The following PDZD2 variants were observed in gnomAD, a reference collection of about 807,000 sequenced individuals.
The protein encoded by PDZD2 is PDZ domain containing 2.
In PDZD2, 90 loss-of-function variants were observed where a neutral mutation model predicts 220.7. That is an observed-to-expected ratio of 0.41 (90% confidence interval 0.34 to 0.49). PDZD2 has a LOEUF of 0.49. Ranked by LOEUF, PDZD2 falls within the 20% of genes least tolerant of loss-of-function variation. The pLI, the probability that PDZD2 is intolerant of heterozygous loss-of-function variation, is 0.28. For missense variants in PDZD2, 3,174 were observed against 3,608.5 expected, an observed-to-expected ratio of 0.88 and a Z score of 3.08; for synonymous variants, 1,375 against 1,450.5, an observed-to-expected ratio of 0.95 and a Z score of 1.18.
intron 1 of PDZD2, among the ~76,000 whole-genome samples, chr5:31,768,666 A>G (rs1390962104): frequency 6.6e-6 from 1 of 151,320 alleles, no homozygotes; most frequent in African/African-American, 2.4e-5. Flanking sequence ...AAACTGAGAC[A>G]CAAGATCAGG....
At chr5:31,789,596 C>T (rs544323046) in intron 1 of PDZD2, among the ~76,000 whole-genome samples, 1 of 152,264 alleles carries the variant, frequency 6.6e-6, no homozygotes, top group Non-Finnish European at 1.5e-5. Context: ...TTTGGTACCC[C>T]CAAAATACAA....
chr5:32,069,492 A>T, intron 14 of PDZD2, 77 bp from the exon 15 acceptor site: 1 of 835,896 alleles, frequency 1.2e-6, no homozygotes, highest in Admixed American at 1.8e-5. Context: ...CTTGACTCTG[A>T]CTCTGGTCCT....
At chr5:32,061,756 T>A (rs1412521536) in intron 14 of PDZD2, among the ~76,000 whole-genome samples, 2 of 152,086 alleles carry the variant, frequency 1.3e-5, no homozygotes, top group African/African-American at 2.4e-5. Context: ...TTATTTTTTT[T>A]AAATAAGAAA....
intron 1 of PDZD2, chr5:31,725,565 T>C: frequency 1.3e-6 from 2 of 1,488,190 alleles, no homozygotes; most frequent in Non-Finnish European, 1.8e-6. Context: ...TCCAAGACCT[T>C]GATCTAGATT....
At chr5:31,814,116 G>A (rs529065097) in intron 2 of PDZD2, among the ~76,000 whole-genome samples, 12 of 152,190 alleles carry the variant, frequency 7.9e-5, no homozygotes, top group African/African-American at 2.6e-4. Flanking sequence ...AAAGAAAGAG[G>A]TACCAGAAAA....
rs549301579 is a variant in PDZD2, at chr5:32,009,681, A to G, written c.1255-649A>G. Among the ~76,000 whole-genome samples the G allele has an allele frequency of 3.9e-5, 6 of 152,130 alleles. No homozygotes were observed. The South Asian group carries it at 1.2e-3, about 32-fold the overall frequency. ...CAGAGGTTTGAGGTTGCAGTGAGCT[A>G]TGATTGCACCACTGCACTCAGCCTG... On this transcript the variant is annotated intron_variant, in intron 5 of 24. Coordinates refer to ENST00000438447, the MANE Select transcript of PDZD2 (RefSeq NM_178140.4).
At chr5:32,042,063 G>T (rs1452234255) in intron 7 of PDZD2, among the ~76,000 whole-genome samples, 1 of 55,608 alleles carries the variant, frequency 1.8e-5, no homozygotes, top group Non-Finnish European at 4.8e-5. Context: ...AGACCATCCT[G>T]GCTAACACGG....
At chr5:31,713,811 C>T (rs111873997) in intron 1 of PDZD2, among the ~76,000 whole-genome samples, 105 of 152,248 alleles carry the variant, frequency 6.9e-4, no homozygotes, top group African/African-American at 2.4e-3. Flanking sequence ...CCTCCCAAAG[C>T]GCTGGGATTA....
At chr5:31,710,266 T>G (rs1748027037) in intron 1 of PDZD2, among the ~76,000 whole-genome samples, 1 of 152,242 alleles carries the variant, frequency 6.6e-6, no homozygotes, top group South Asian at 2.1e-4. Flanking sequence ...ACTCTGAGAC[T>G]GTCACATGGG....
chr5:31,879,319 C>T (rs1739640877), intron 2 of PDZD2, among the ~76,000 whole-genome samples: 1 of 150,790 alleles, frequency 6.6e-6, no homozygotes, highest in Non-Finnish European at 1.5e-5. Context: ...CCTGGGAGGC[C>T]GAGCTTGCAG....
At chr5:31,852,158 G>A (rs1758096091) in intron 2 of PDZD2, among the ~76,000 whole-genome samples, 1 of 152,046 alleles carries the variant, frequency 6.6e-6, no homozygotes, top group Non-Finnish European at 1.5e-5. Context: ...TCTGCCGTGT[G>A]GTCCCATTTT....
chr5:32,059,502 G>A (rs1472491057), intron 13 of PDZD2, 146 bp downstream of exon 13: 1 of 502,378 alleles, frequency 2.0e-6, no homozygotes, highest in Non-Finnish European at 3.5e-6. Flanking sequence ...ACAATTAATA[G>A]CATCTCCAAA....
chr5:31,803,867 C>A (rs1754551802), intron 2 of PDZD2, among the ~76,000 whole-genome samples: 2 of 151,912 alleles, frequency 1.3e-5, no homozygotes, highest in Non-Finnish European at 2.9e-5. Context: ...AAGTCCCCAT[C>A]TCTATAAAAA....
At chr5:31,961,179 G>A (rs1748187469) in intron 2 of PDZD2, among the ~76,000 whole-genome samples, 1 of 152,150 alleles carries the variant, frequency 6.6e-6, no homozygotes, top group Non-Finnish European at 1.5e-5. Flanking sequence ...ACAAAGCAGG[G>A]AAAAGATCAA....
In PDZD2 at chr5:31,639,266, G is replaced by A. The variant is rs1323791536; in HGVS notation, c.-532G>A. 6.6e-6 allele frequency: 1 copy of A among 150,776 alleles called. No individual in the cohort carries two copies. Among genetic ancestry groups the A allele is most frequent in the East Asian group, 1.9e-4 (1 of 5,164 alleles). The allele number at this position is 150,776 out of a possible 1,614,324, so 9.3% of individuals were successfully genotyped here. A position where few individuals can be genotyped will look rare whatever the true frequency, so the allele number is the denominator to read the frequency against. On this transcript the variant is annotated 5_prime_UTR_variant, in exon 1 of 25. Coordinates refer to ENST00000438447, the MANE Select transcript of PDZD2 (RefSeq NM_178140.4). The surrounding 1 kb of genome is among the most constrained non-coding windows in gnomAD (Gnocchi z 4.1). ...AGCCGCAGGCCGAACCCAAGGCACC[G>A]GGATTGCGCCTCCCGCGGCTGCCGG...
At chr5:32,025,591 CTTTTTTTTTTTTTT>C (rs70957998) in intron 6 of PDZD2, among the ~76,000 whole-genome samples, 1,312 of 67,550 alleles carry the variant, frequency 0.019, 84 homozygotes, top group African/African-American at 0.083. Flanking sequence ...AACCATGATG[CTTTTTTTTTTTTTT>C]TTTTTTTTTT....
chr5:31,673,043 G>C (rs747900460), intron 1 of PDZD2, among the ~76,000 whole-genome samples: 1 of 152,144 alleles, frequency 6.6e-6, no homozygotes, highest in Non-Finnish European at 1.5e-5. Flanking sequence ...GAGATACTAC[G>C]GGGAAAGAAA....
chr5:31,958,511 C>T (rs1747933167), intron 2 of PDZD2, among the ~76,000 whole-genome samples: 1 of 152,028 alleles, frequency 6.6e-6, no homozygotes, highest in East Asian at 1.9e-4. Context: ...GCCTCAGCCT[C>T]CCCAAAGTGC....
At chr5:32,069,332 A>G (rs1395948386) in intron 14 of PDZD2, among the ~76,000 whole-genome samples, 8 of 151,816 alleles carry the variant, frequency 5.3e-5, no homozygotes, top group African/African-American at 1.9e-4. Context: ...GTTGTTGGTA[A>G]TCATAGCACT....
Sources: gnomAD v4.1 joint callset for allele counts (sites outside exome capture counted in the v4.1 genomes callset) on GRCh38, gnomAD v4.1.1 for gene constraint, Gnocchi (gnomAD v3.1) non-coding constraint, MANE v1.5 for transcripts, NCBI Gene and HGNC (gene_info 2026-07-23, HGNC 2026-07-21) for gene names.